The following CDH23 variants were observed in gnomAD, a reference collection of about 807,000 sequenced individuals.
CDH23 encodes cadherin-23.
In CDH23, 189 loss-of-function variants were observed where a neutral mutation model predicts 317.1. The ratio of observed to expected loss-of-function variants is 0.60; its 90% confidence interval spans 0.53 to 0.67. The LOEUF is 0.67. Among genes scored for constraint, CDH23 ranks in the 30% least tolerant of loss-of-function variants. The pLI, the probability that CDH23 is intolerant of heterozygous loss-of-function variation, is 0.00. For synonymous variants in CDH23, 1,839 were observed against 1,876.8 expected, an observed-to-expected ratio of 0.98 and a Z score of 0.52; for missense variants, 4,401 against 4,592.4, an observed-to-expected ratio of 0.96 and a Z score of 1.20.
At chr10:71,796,268 A>G (rs1376103027) in intron 48 of CDH23, among the ~76,000 whole-genome samples, 1 of 152,202 alleles carries the variant, frequency 6.6e-6, no homozygotes, top group Admixed American at 6.5e-5. Flanking sequence ...GGTCCCAAGA[A>G]ACGCAGCACT....
intron 8 of CDH23, among the ~76,000 whole-genome samples, chr10:71,577,432 C>T (rs563972980): frequency 6.6e-6 from 1 of 152,240 alleles, no homozygotes; most frequent in East Asian, 1.9e-4. Flanking sequence ...GCTTTCATCC[C>T]TAAAGTAGTT....
intron 6 of CDH23, among the ~76,000 whole-genome samples, chr10:71,550,408 G>A (rs1215346843): frequency 6.6e-6 from 1 of 151,654 alleles, no homozygotes; most frequent in Non-Finnish European, 1.5e-5. Context: ...ATAAACATAA[G>A]TGAGCTAGAT....
chr10:71,777,898 C>G lies in CDH23; in HGVS notation c.5064C>G (p.His1688Gln). The G allele has an allele frequency of 6.2e-7, 1 of 1,613,886 alleles. No individual in the cohort carries two copies. Among genetic ancestry groups the G allele is most frequent in the Non-Finnish European group, 8.5e-7 (1 of 1,179,856 alleles). The change falls in exon 39 of 70, where the codon CAC becomes CAG. Residue 1688 changes from histidine to glutamine, a missense_variant. This residue lies in a region of CDH23 where 3,068 missense variants were observed against 3,203.3 expected (regional missense o/e 0.96). Transcript: ENST00000224721. ...TCAACACCTTCCGCATCGACAGACACATGGTCAGCAGCTGATGGCAGGATC... is the reference window on the plus strand; with the variant it reads ...TCAACACCTTCCGCATCGACAGACAGATGGTCAGCAGCTGATGGCAGGATC... ...NIVNTFRIDR[H>Q]MGVITAAKEL...
chr10:71,530,364 T>A lies in CDH23; in HGVS notation c.429+19152T>A, dbSNP rs567675770. On this transcript the variant is annotated intron_variant, in intron 6 of 69. Transcript: ENST00000224721. ...CCTCTCACCCTGCCGGTGCCCACAG[T>A]GGGGCCTCTCAGCAGCCGGAGTCAC... Among the ~76,000 whole-genome samples, 19 of 152,266 alleles carry A rather than the reference T, an allele frequency of 1.2e-4. No homozygotes were observed. The East Asian group carries it at 3.5e-3, about 28-fold the overall frequency.
chr10:71,442,314 C>A (rs1481990887), intron 2 of CDH23, among the ~76,000 whole-genome samples: 1 of 152,214 alleles, frequency 6.6e-6, no homozygotes, highest in Admixed American at 6.5e-5. Context: ...TCTGAAGCAG[C>A]CAGTGCTGTT....
At position 71,697,275 on chromosome 10, in the gene CDH23, A is replaced by T. The variant is rs574832985; in HGVS notation, c.2397+1750A>T. Among the ~76,000 whole-genome samples the T allele has an allele frequency of 9.2e-5, 14 of 152,288 alleles. No individual in the cohort carries two copies. The East Asian group carries it at 2.1e-3, about 23-fold the overall frequency. On this transcript the variant is annotated intron_variant, in intron 22 of 69. Transcript: ENST00000224721. ...AGCAGGCATGGACAATGGACCAAGG[A>T]CCTGCTGCCCAGTGCCTCCTCACTT...
rs74702249 is a variant in CDH23 at position 71,706,901 on chromosome 10, G to A, written c.2958G>A (p.Leu986=). ...SSTSTLTIHV[L]DVNDETPTFF... ...GGCGCCCGTTCTGCCCCGCAGTGCT[G>A]GATGTGAACGACGAGACGCCCACCT... The change falls in exon 26 of 70, where the codon CTG becomes CTA. Residue 986 remains leucine (L), a synonymous_variant. Coordinates refer to ENST00000224721, the MANE Select transcript of CDH23 (RefSeq NM_022124.6). 4,708 of 1,599,258 alleles carry A rather than the reference G, an allele frequency of 2.9e-3. 127 individuals carry two copies. The African/African-American group carries it at 0.055, about 19-fold the overall frequency.
Position 71,803,045 on chromosome 10 carries a change from T to G in CDH23, c.7630T>G (p.Leu2544Val), listed in dbSNP as rs114819374. Reference protein sequence around the residue: ...TDQDEGPNGELTYSLEGPGVE... With the variant: ...TDQDEGPNGEVTYSLEGPGVE... ...CCAGGATGAAGGTCCCAATGGAGAG[T>G]TGACCTACTCACTTGAGGGCCCTGG... Residue 2544 changes from leucine to valine, a missense_variant, in exon 54 of 70, where the codon TTG (leucine) becomes GTG (valine). By Grantham distance (32) the Leu-to-Val change is conservative. This residue lies in a region of CDH23 where 1,144 missense variants were observed against 1,138.2 expected (regional missense o/e 1.01). Coordinates refer to ENST00000224721, the MANE Select transcript of CDH23 (RefSeq NM_022124.6). 4 of 1,613,002 alleles carry G rather than the reference T, an allele frequency of 2.5e-6. No individual in the cohort carries two copies. The East Asian group carries it at 6.7e-5, about 27-fold the overall frequency.
intron 9 of CDH23, among the ~76,000 whole-genome samples, chr10:71,580,371 G>A (rs943614421): frequency 2.6e-5 from 4 of 152,228 alleles, no homozygotes; most frequent in African/African-American, 7.2e-5. Flanking sequence ...CCACAGGGAA[G>A]GGATGTGTGT....
chr10:71,761,681 A>G, intron 38 of CDH23: 1 of 1,613,910 alleles, frequency 6.2e-7, no homozygotes, highest in East Asian at 2.2e-5. Flanking sequence ...GCAGCAGTAG[A>G]GGCCGCTATC....
intron 9 of CDH23, among the ~76,000 whole-genome samples, chr10:71,589,311 G>C (rs913089796): frequency 6.6e-6 from 1 of 152,060 alleles, no homozygotes; most frequent in African/African-American, 2.4e-5. Context: ...GTAGAGACAG[G>C]GTTTCACCAT....
At chr10:71,699,374 G>A (rs1177815931) in intron 22 of CDH23, among the ~76,000 whole-genome samples, 3 of 152,240 alleles carry the variant, frequency 2.0e-5, no homozygotes, top group Admixed American at 6.5e-5. Flanking sequence ...ACCTGGAGTC[G>A]GAGGCACAAG....
At chr10:71,731,933 C>T (rs1007450836) in intron 31 of CDH23, 54 bp from the exon 32 acceptor site, 9 of 1,556,546 alleles carry the variant, frequency 5.8e-6, no homozygotes, top group African/African-American at 1.3e-5. Flanking sequence ...GAAGCCACAG[C>T]GCAGCCCCAC....
intron 11 of CDH23, 133 bp from the exon 12 acceptor site, chr10:71,643,728 G>T (rs1027807765): frequency 1.5e-6 from 1 of 671,952 alleles, no homozygotes; most frequent in Non-Finnish European, 2.7e-6. Context: ...CTCCTCTAGG[G>T]TGTGATCCTG....
intron 1 of CDH23, among the ~76,000 whole-genome samples, chr10:71,421,495 A>G (rs1848813966): frequency 6.6e-6 from 1 of 151,966 alleles, no homozygotes; most frequent in African/African-American, 2.4e-5. Flanking sequence ...GAGCGTCGTA[A>G]TTCTATTGCA....
At chr10:71,786,112 G>A (rs1274329753) in intron 44 of CDH23, among the ~76,000 whole-genome samples, 2 of 152,214 alleles carry the variant, frequency 1.3e-5, no homozygotes, top group Non-Finnish European at 2.9e-5. Context: ...ATTTGTGCAT[G>A]GGGCACATGG....
chr10:71,781,648 G>A (rs1840957776), intron 41 of CDH23, among the ~76,000 whole-genome samples: 1 of 152,202 alleles, frequency 6.6e-6, no homozygotes, highest in Admixed American at 6.5e-5. Context: ...TGATTGGGAT[G>A]AGCCTTAAGA....
chr10:71,726,149 G>T (rs1866798831), intron 30 of CDH23, among the ~76,000 whole-genome samples: 1 of 152,116 alleles, frequency 6.6e-6, no homozygotes. Context: ...GCCAGCAGGG[G>T]GATGACTGAG....
intron 6 of CDH23, among the ~76,000 whole-genome samples, chr10:71,516,543 C>A (rs1040142490): frequency 3.3e-5 from 5 of 152,226 alleles, no homozygotes; most frequent in African/African-American, 1.2e-4. Context: ...TCAATGAAAT[C>A]AAATACATAA....
Sources: allele counts gnomAD v4.1 joint callset (sites outside exome capture counted in the v4.1 genomes callset), GRCh38; gene constraint gnomAD v4.1.1; regional missense constraint gnomAD v4.1.1; transcripts MANE v1.5; gene names NCBI Gene and HGNC (gene_info 2026-07-23, HGNC 2026-07-21).